Variants in ACYP2 observed in about 807,000 individuals in gnomAD.
ACYP2 encodes acylphosphatase-2.
Under a neutral mutation model 11.2 loss-of-function variants are expected in ACYP2, and 12 were observed. That is an observed-to-expected ratio of 1.08 (90% CI 0.69 to 1.74). The LOEUF is 1.74. ACYP2 is among the 40% of genes most tolerant of loss of function. The pLI, the probability that ACYP2 is intolerant of heterozygous loss-of-function variation, is 0.00. For synonymous variants in ACYP2, 43 were observed against 32.2 expected (o/e 1.33, Z -1.13); for missense variants, 134 against 101.9 (o/e 1.31, Z -1.35).
intron 6 of ACYP2, among the ~76,000 whole-genome samples, chr2:54,215,381 G>T (rs1685518552): frequency 6.6e-6 from 1 of 152,086 alleles, no homozygotes; most frequent in South Asian, 2.1e-4. Context: ...GTTGGCTGTG[G>T]GTTTGTTATA....
chr2:54,161,010 C>T (rs956392260), intron 6 of ACYP2, among the ~76,000 whole-genome samples: 2 of 152,166 alleles, frequency 1.3e-5, no homozygotes, highest in Non-Finnish European at 2.9e-5. Flanking sequence ...GTAGCATCAG[C>T]ATTACCTGGC....
At chr2:54,069,774 G>A (rs74985340) in intron 4 of ACYP2, among the ~76,000 whole-genome samples, 3,810 of 152,294 alleles carry the variant, frequency 0.025, 155 homozygotes, top group African/African-American at 0.088. Context: ...ACCAGCTGAT[G>A]AATATGCTAG....
chr2:54,205,183 C>T (rs953746250), intron 6 of ACYP2, among the ~76,000 whole-genome samples: 3 of 152,188 alleles, frequency 2.0e-5, no homozygotes, highest in Non-Finnish European at 4.4e-5. Flanking sequence ...TATGTATTCT[C>T]AAGCACCTGC....
At chr2:54,076,717 G>GGAGA (rs139405039) in intron 4 of ACYP2, among the ~76,000 whole-genome samples, 1 of 151,846 alleles carries the variant, frequency 6.6e-6, no homozygotes, top group Non-Finnish European at 1.5e-5. Flanking sequence ...GATCAGGGAG[G>GGAGA]GAGAGAGAGA....
rs1305963758 is a variant in ACYP2 at position 54,216,512 on chromosome 2, CT to C, written c.404+77774del. The stretch of plus-strand genomic sequence containing the variant: ...ATAAAATATATCTCTATTGATGAAT[CT>C]TTTTTTTTTAACTCCTAATCACGTT... On this transcript the variant is annotated intron_variant, in intron 6 of 6. Transcript: ENST00000607452. Among the ~76,000 whole-genome samples, 212 of 144,694 alleles carry C rather than the reference CT, an allele frequency of 1.5e-3. 7 individuals are homozygous for C. The East Asian group carries it at 0.032, about 22-fold the overall frequency. The allele number at this position is 144,694 out of a possible 152,430, so 94.9% of individuals were successfully genotyped here. A position where few individuals can be genotyped will look rare whatever the true frequency, so the allele number is the denominator to read the frequency against.
intron 4 of ACYP2, among the ~76,000 whole-genome samples, chr2:54,101,889 T>A (rs1321989256): frequency 6.6e-6 from 1 of 152,210 alleles, no homozygotes; most frequent in Non-Finnish European, 1.5e-5. Context: ...TGGATTAGTG[T>A]GATACATTTG....
At chr2:54,243,134 AT>A (rs1686801636) in intron 6 of ACYP2, among the ~76,000 whole-genome samples, 1 of 152,022 alleles carries the variant, frequency 6.6e-6, no homozygotes, top group African/African-American at 2.4e-5. Flanking sequence ...CGTTTGAAAA[AT>A]TTTTTTTGTC....
chr2:54,065,381 T>C (rs1279406612), intron 4 of ACYP2: 3 of 397,640 alleles, frequency 7.5e-6, no homozygotes, highest in Non-Finnish European at 1.3e-5. Flanking sequence ...CAAAATGATT[T>C]TTCTATTCTC....
intron 2 of ACYP2, among the ~76,000 whole-genome samples, chr2:54,038,910 T>C (rs554667361): frequency 5.5e-4 from 83 of 151,102 alleles, no homozygotes; most frequent in African/African-American, 1.8e-3. Flanking sequence ...GCTCTTGAAA[T>C]TGCAATTTTA....
chr2:53,987,151 G>T (rs1462573942), intron 2 of ACYP2, among the ~76,000 whole-genome samples: 1 of 152,118 alleles, frequency 6.6e-6, no homozygotes, highest in Non-Finnish European at 1.5e-5. Context: ...TGATATGAGA[G>T]GTTCACAAAG....
chr2:54,273,455 A>C (rs897865697), intron 6 of ACYP2, among the ~76,000 whole-genome samples: 1 of 152,080 alleles, frequency 6.6e-6, no homozygotes, highest in African/African-American at 2.4e-5. Flanking sequence ...ATTAGTTAAC[A>C]TTTCTAAACT....
intron 6 of ACYP2, among the ~76,000 whole-genome samples, chr2:54,229,541 A>C (rs1423073433): frequency 6.6e-6 from 1 of 152,184 alleles, no homozygotes; most frequent in Non-Finnish European, 1.5e-5. Flanking sequence ...AGACAGAGTA[A>C]ACATTCAAGA....
intron 6 of ACYP2, among the ~76,000 whole-genome samples, chr2:54,279,098 A>T (rs984869510): frequency 6.6e-6 from 1 of 152,248 alleles, no homozygotes; most frequent in Non-Finnish European, 1.5e-5. Flanking sequence ...ACAAAAGTAT[A>T]TTTAAAAACT....
intron 4 of ACYP2, among the ~76,000 whole-genome samples, chr2:54,101,290 T>C (rs1199593483): frequency 6.6e-6 from 1 of 152,262 alleles, no homozygotes; most frequent in Non-Finnish European, 1.5e-5. Flanking sequence ...TTTTTTTTAC[T>C]GTAATAAACA....
intron 4 of ACYP2, among the ~76,000 whole-genome samples, chr2:54,127,607 G>A (rs1680609648): frequency 6.6e-6 from 1 of 151,984 alleles, no homozygotes; most frequent in African/African-American, 2.4e-5. Flanking sequence ...AATTAGCCCG[G>A]TGTGGTGGCA....
At chr2:54,210,255 G>A (rs1448517179) in intron 6 of ACYP2, among the ~76,000 whole-genome samples, 2 of 151,372 alleles carry the variant, frequency 1.3e-5, no homozygotes, top group Non-Finnish European at 2.9e-5. Context: ...TCCCCAAGTT[G>A]AGAAATAGAT....
intron 2 of ACYP2, among the ~76,000 whole-genome samples, chr2:53,995,488 T>TTTTTTTTATTTATTTATTTA (rs1553350325): frequency 1.4e-5 from 2 of 145,070 alleles, no homozygotes; most frequent in African/African-American, 5.1e-5. Flanking sequence ...TTTATTTATT[T>TTTTTTTTATTTATTTATTTA]TTTATTTATT....
intron 4 of ACYP2, among the ~76,000 whole-genome samples, chr2:54,134,306 A>T (rs977599003): frequency 6.6e-6 from 1 of 152,098 alleles, no homozygotes; most frequent in African/African-American, 2.4e-5. Flanking sequence ...ATAAATAAAT[A>T]AGTAAGTAAA....
rs1314826783 is a variant in ACYP2, at chr2:54,081,093, C to A, written c.277+23733C>A. 3.3e-5 allele frequency among the ~76,000 whole-genome samples: 5 copies of A among 152,238 alleles called. No homozygotes were observed. The East Asian group carries it at 7.7e-4, about 24-fold the overall frequency. ...AACCTCAAATACTCTTTGAGTTCAT[C>A]GTATTTTTATAGTGGCAGACAATGA... is the stretch of plus-strand genomic sequence containing the variant. On this transcript the variant is annotated intron_variant, in intron 4 of 6. Transcript: ENST00000607452.
Sources: allele counts gnomAD v4.1 joint callset (sites outside exome capture counted in the v4.1 genomes callset), GRCh38; gene constraint gnomAD v4.1.1; transcripts MANE v1.5; gene names NCBI Gene and HGNC (gene_info 2026-07-23, HGNC 2026-07-21).